RHOA: variants seen among roughly 807,000 people sequenced by gnomAD.
RHOA encodes the protein ras homolog family member A.
Under a neutral mutation model 17.5 loss-of-function variants are expected in RHOA, and 3 were observed. That is an observed-to-expected ratio of 0.17 (90% CI 0.08 to 0.44). The LOEUF (loss-of-function observed/expected upper bound fraction) is 0.44, where lower values mean the gene tolerates loss of function less well. Ranked by LOEUF, RHOA falls within the 20% of genes least tolerant of loss-of-function variation. The pLI, the probability that RHOA is intolerant of heterozygous loss-of-function variation, is 0.99. For missense variants in RHOA, 56 were observed against 242.3 expected, an observed-to-expected ratio of 0.23 and a Z score of 5.10; for synonymous variants, 98 against 88.4, an observed-to-expected ratio of 1.11 and a Z score of -0.61.
At chr3:49,402,394 T>C (rs1192621060) in intron 1 of RHOA, among the ~76,000 whole-genome samples, 1 of 152,106 alleles carries the variant, frequency 6.6e-6, no homozygotes, top group African/African-American at 2.4e-5. Flanking sequence ...ATATATTTCT[T>C]AAAATAAAAA....
intron 1 of RHOA, among the ~76,000 whole-genome samples, chr3:49,401,800 G>C (rs2048728504): frequency 6.6e-6 from 1 of 152,134 alleles, no homozygotes; most frequent in African/African-American, 2.4e-5. Flanking sequence ...TACTGGTTCA[G>C]TATCCCAAAT....
intron 1 of RHOA, among the ~76,000 whole-genome samples, chr3:49,378,170 TAA>T (rs71627382): frequency 1.9e-4 from 17 of 90,460 alleles, no homozygotes; most frequent in African/African-American, 5.1e-4. Flanking sequence ...AACTGTGTCT[TAA>T]AAAAAAAAAA....
intron 1 of RHOA, among the ~76,000 whole-genome samples, chr3:49,407,980 T>C (rs1184568986): frequency 6.6e-6 from 1 of 151,954 alleles, no homozygotes; most frequent in East Asian, 1.9e-4. Context: ...ACCAACATGG[T>C]GAAACCCCGT....
chr3:49,372,850 C>A (rs768197117), intron 2 of RHOA, among the ~76,000 whole-genome samples: 1 of 151,566 alleles, frequency 6.6e-6, no homozygotes, highest in African/African-American at 2.4e-5. Flanking sequence ...CTTCACAGAA[C>A]CTTGATGTCA....
chr3:49,374,271 C>T (rs746494027), intron 2 of RHOA, among the ~76,000 whole-genome samples: 3 of 152,120 alleles, frequency 2.0e-5, no homozygotes, highest in Admixed American at 1.3e-4. Flanking sequence ...ACAGCGTGAA[C>T]CCAGGAGGCA....
At chr3:49,384,922 G>C (rs2048372129) in intron 1 of RHOA, among the ~76,000 whole-genome samples, 1 of 152,034 alleles carries the variant, frequency 6.6e-6, no homozygotes, top group Non-Finnish European at 1.5e-5. Context: ...AATTAGCCTA[G>C]CGTGGTGGCA....
chr3:49,372,647 T>C (rs2048164073), intron 2 of RHOA, among the ~76,000 whole-genome samples: 2 of 141,604 alleles, frequency 1.4e-5, no homozygotes, highest in Admixed American at 7.9e-5. Context: ...GGCAGGAGAA[T>C]GGCGTGAACC....
At chr3:49,392,328 G>A (rs1368585989) in intron 1 of RHOA, among the ~76,000 whole-genome samples, 1 of 149,352 alleles carries the variant, frequency 6.7e-6, no homozygotes, top group Non-Finnish European at 1.5e-5. Context: ...TACTGGGTGG[G>A]TAAGGGTGGG....
rs1185655298 is a variant in RHOA at position 49,359,876 on chromosome 3, A to C, written c.*333T>G. 6.8e-6 allele frequency: 2 copies of C among 295,460 alleles called. No homozygotes were observed. The highest frequency in any genetic ancestry group is 1.3e-5 in the Non-Finnish European group (2 of 156,562). 18.3% of individuals were successfully genotyped at this position (295,460 alleles called of 1,614,324 possible). ...TAATAGGCAGGACATGTTAGTTATA[A>C]AGTAGTTACAGCCTAATTCACAAAA... On this transcript the variant is annotated 3_prime_UTR_variant, in exon 5 of 5. Transcript: ENST00000418115.
intron 3 of RHOA, among the ~76,000 whole-genome samples, chr3:49,364,835 G>A (rs1213599217): frequency 6.6e-6 from 1 of 151,694 alleles, no homozygotes; most frequent in Non-Finnish European, 1.5e-5. Flanking sequence ...AGTCAGGCAT[G>A]GTGGTGCATG....
chr3:49,378,485 G>C (rs920828405), intron 1 of RHOA, among the ~76,000 whole-genome samples: 1 of 151,758 alleles, frequency 6.6e-6, no homozygotes, highest in Non-Finnish European at 1.5e-5. Flanking sequence ...GAGCTCAAGT[G>C]ATCTACTCGC....
chr3:49,382,295 G>T (rs1414329310), intron 1 of RHOA, among the ~76,000 whole-genome samples: 1 of 149,658 alleles, frequency 6.7e-6, no homozygotes, highest in Non-Finnish European at 1.5e-5. Flanking sequence ...CTCCAGCCTG[G>T]GTGACAGAGA....
At chr3:49,367,342 C>CAAAAAAAAAAAAAAAAAAAAAAAAAAAAA (rs62926260) in intron 3 of RHOA, among the ~76,000 whole-genome samples, 3 of 80,502 alleles carry the variant, frequency 3.7e-5, no homozygotes, top group African/African-American at 1.0e-4. Context: ...GACTCCCTCT[C>CAAAAAAAAAAAAAAAAAAAAAAAAAAAAA]AAAAAAAAAA....
intron 1 of RHOA, among the ~76,000 whole-genome samples, chr3:49,389,268 T>C (rs1332419857): frequency 6.6e-6 from 1 of 151,722 alleles, no homozygotes; most frequent in Non-Finnish European, 1.5e-5. Context: ...TGAGTGAAGA[T>C]TGTGACATTG....
chr3:49,391,212 T>A, intron 1 of RHOA, among the ~76,000 whole-genome samples: 1 of 108,520 alleles, frequency 9.2e-6, no homozygotes, highest in Non-Finnish European at 1.9e-5. Flanking sequence ...AGCAACGCCG[T>A]CTCAAAAAAA....
Position 49,359,257 on chromosome 3 carries a change from C to A in RHOA, c.*952G>T. The A allele has an allele frequency of 5.2e-6, 1 of 193,194 alleles. No homozygotes were observed. The highest frequency in any genetic ancestry group is 8.2e-5 in the East Asian group (1 of 12,138). The allele number at this position is 193,194 out of a possible 1,614,324, so 12.0% of individuals were successfully genotyped here. ...GAGTGCCACCCATGAGAACTGGTGGCTCCTCTGGGAGGGAACCTGGATACA... is the reference window on the plus strand; with the variant it reads ...GAGTGCCACCCATGAGAACTGGTGGATCCTCTGGGAGGGAACCTGGATACA... On this transcript the variant is annotated 3_prime_UTR_variant, in exon 5 of 5. Coordinates refer to ENST00000418115, the MANE Select transcript of RHOA (RefSeq NM_001664.4).
At chr3:49,389,751 C>T (rs563070389) in intron 1 of RHOA, among the ~76,000 whole-genome samples, 1 of 151,802 alleles carries the variant, frequency 6.6e-6, no homozygotes, top group East Asian at 2.0e-4. Context: ...ACCATCCTAA[C>T]ACAGTGAATC....
At chr3:49,393,717 T>A (rs1393764172) in intron 1 of RHOA, among the ~76,000 whole-genome samples, 1 of 115,648 alleles carries the variant, frequency 8.6e-6, no homozygotes, top group Non-Finnish European at 1.9e-5. Flanking sequence ...TGTGTGTGTG[T>A]GTGTGTGTGT....
chr3:49,403,004 T>G (rs1206070252), intron 1 of RHOA, among the ~76,000 whole-genome samples: 3 of 148,436 alleles, frequency 2.0e-5, no homozygotes, highest in Non-Finnish European at 4.4e-5. Context: ...GCCACTGCAC[T>G]GCAGCCTGGG....
Sources: gnomAD v4.1 joint callset for allele counts (sites outside exome capture counted in the v4.1 genomes callset) on GRCh38, gnomAD v4.1.1 for gene constraint, MANE v1.5 for transcripts, NCBI Gene and HGNC (gene_info 2026-07-23, HGNC 2026-07-21) for gene names.